The following CPVL variants were observed in gnomAD, a reference collection of about 807,000 sequenced individuals.
The protein encoded by CPVL is probable serine carboxypeptidase CPVL.
Under a neutral mutation model 63.7 loss-of-function variants are expected in CPVL, and 51 were observed. The observed-to-expected ratio is 0.80, with a 90% confidence interval of 0.64 to 1.01. The LOEUF is 1.01. Among genes scored for constraint, CPVL ranks in the 50% least tolerant of loss-of-function variants. The pLI is 0.00. For synonymous variants in CPVL, 195 were observed against 206.0 expected (o/e 0.95, Z 0.46); for missense variants, 530 against 573.1 (o/e 0.92, Z 0.77).
chr7:29,035,738 C>T (rs942697538), intron 11 of CPVL, among the ~76,000 whole-genome samples: 6 of 152,322 alleles, frequency 3.9e-5, no homozygotes, highest in African/African-American at 1.4e-4. Context: ...TCATGTGGTG[C>T]TGTATAGTGA....
intron 11 of CPVL, among the ~76,000 whole-genome samples, chr7:29,049,423 G>A (rs1057182336): frequency 6.6e-6 from 1 of 152,016 alleles, no homozygotes; most frequent in Non-Finnish European, 1.5e-5. Context: ...AGAAGAGATG[G>A]ATAAAATCCT....
At chr7:29,032,532 G>T (rs1788126669) in intron 11 of CPVL, among the ~76,000 whole-genome samples, 2 of 152,182 alleles carry the variant, frequency 1.3e-5, no homozygotes, top group Admixed American at 1.3e-4. Flanking sequence ...TCCTATAGTT[G>T]TTTTGGCCAA....
intron 11 of CPVL, among the ~76,000 whole-genome samples, chr7:29,040,827 A>C (rs544008793): frequency 6.6e-6 from 1 of 152,182 alleles, no homozygotes; most frequent in East Asian, 1.9e-4. Flanking sequence ...TTGCACCTTA[A>C]CTCTAAATTA....
intron 1 of CPVL, among the ~76,000 whole-genome samples, chr7:29,144,937 G>T (rs990463496): frequency 2.0e-4 from 31 of 151,758 alleles, no homozygotes; most frequent in African/African-American, 7.3e-4. Context: ...TATAAATTGG[G>T]GGATCAATTG....
chr7:29,095,156 G>C lies in CPVL; in HGVS notation c.404-14C>G. ...CTCTGTCACGCACTGTGAAAACAAA[G>C]AAGAGGGGTGAGATAGAGTCGTGGA... On this transcript the variant is annotated splice_polypyrimidine_tract_variant and intron_variant, in intron 4 of 12. Transcript: ENST00000265394. 1.2e-6 allele frequency: 2 copies of C among 1,611,576 alleles called. No homozygotes were observed. The highest frequency in any genetic ancestry group is 1.7e-6 in the Non-Finnish European group (2 of 1,177,768).
intron 3 of CPVL, 121 bp from the exon 4 acceptor site, chr7:29,096,338 C>T (rs1362450571): frequency 5.6e-6 from 4 of 715,052 alleles, no homozygotes; most frequent in African/African-American, 1.8e-5. Context: ...TCCTACAAAA[C>T]CTCCCCAGAC....
At chr7:29,003,876 A>T (rs370738175) in intron 12 of CPVL, among the ~76,000 whole-genome samples, 26 of 152,108 alleles carry the variant, frequency 1.7e-4, no homozygotes, top group African/African-American at 5.8e-4. Flanking sequence ...CCCTCCTATA[A>T]GAATCTAATG....
intron 7 of CPVL, among the ~76,000 whole-genome samples, chr7:29,074,467 C>T (rs949431617): frequency 2.0e-5 from 3 of 152,110 alleles, no homozygotes; most frequent in African/African-American, 4.8e-5. Flanking sequence ...AACCATTTTA[C>T]TGGTAAAAAT....
At chr7:29,142,910 A>C (rs1403065816) in intron 1 of CPVL, among the ~76,000 whole-genome samples, 2 of 152,086 alleles carry the variant, frequency 1.3e-5, no homozygotes, top group African/African-American at 2.4e-5. Context: ...ATCTGTCACC[A>C]AGTGCTATTC....
intron 3 of CPVL, among the ~76,000 whole-genome samples, chr7:29,102,056 C>T (rs73684591): frequency 0.011 from 1,614 of 152,310 alleles, 26 homozygotes; most frequent in African/African-American, 0.036. Flanking sequence ...TGCAGACCAA[C>T]TCCTACCCAT....
chr7:29,029,045 T>C (rs1295839663), intron 12 of CPVL, among the ~76,000 whole-genome samples: 2 of 150,606 alleles, frequency 1.3e-5, no homozygotes, highest in South Asian at 2.1e-4. Flanking sequence ...CCAACAGGTA[T>C]ATGGAAAAAT....
chr7:29,169,251 T>A (rs537200217), intron 5 of CPVL, among the ~76,000 whole-genome samples: 1 of 152,354 alleles, frequency 6.6e-6, no homozygotes, highest in Admixed American at 6.5e-5. Context: ...TATGCTGATA[T>A]TACCATTGTA....
At chr7:29,117,865 C>T (rs1435598642) in intron 2 of CPVL, among the ~76,000 whole-genome samples, 2 of 152,124 alleles carry the variant, frequency 1.3e-5, no homozygotes, top group Admixed American at 1.3e-4. Context: ...AGGTACTATG[C>T]TAGGTACTAG....
At chr7:29,103,883 A>G (rs1787455707) in intron 3 of CPVL, among the ~76,000 whole-genome samples, 1 of 152,186 alleles carries the variant, frequency 6.6e-6, no homozygotes, top group African/African-American at 2.4e-5. Flanking sequence ...GGTTTAAGTA[A>G]TGTGTTCTAC....
At chr7:29,007,346 T>C (rs541139228) in intron 12 of CPVL, among the ~76,000 whole-genome samples, 1 of 152,326 alleles carries the variant, frequency 6.6e-6, no homozygotes, top group East Asian at 1.9e-4. Flanking sequence ...CCACATGAAC[T>C]AAGAAGACTT....
intron 1 of CPVL, among the ~76,000 whole-genome samples, chr7:29,139,769 G>A (rs1791658336): frequency 6.6e-6 from 1 of 152,070 alleles, no homozygotes. Flanking sequence ...TGTCCCAACG[G>A]CACAGGCGGT....
At chr7:29,192,925 TC>T (rs1427913258) in intron 1 of CPVL, 4 of 152,202 alleles carry the variant, frequency 2.6e-5, no homozygotes, top group African/African-American at 7.2e-5. Flanking sequence ...CTGTTTTCTA[TC>T]AGAAGAACTC....
chr7:29,083,569 G>A (rs930672040), intron 7 of CPVL, among the ~76,000 whole-genome samples: 1 of 152,200 alleles, frequency 6.6e-6, no homozygotes, highest in Non-Finnish European at 1.5e-5. Flanking sequence ...TGGGATGGAT[G>A]GAGAAGCAGG....
chr7:29,095,101 G>A lies in CPVL; in HGVS notation c.445C>T (p.Leu149Phe), dbSNP rs1786263037. 5.6e-6 allele frequency: 9 copies of A among 1,613,914 alleles called. No homozygotes were observed. The highest frequency in any genetic ancestry group is 7.6e-6 in the Non-Finnish European group (9 of 1,179,804). ...GGACTTACTGGATTGTCAATGTAAA[G>A]CATGGAGAGCGTTGTGGTCCAGGGG... is the stretch of plus-strand genomic sequence containing the variant. Reference protein sequence around the residue: ...DFPWTTTLSMLYIDNPVGTGF... With the variant: ...DFPWTTTLSMFYIDNPVGTGF... The change falls in exon 5 of 13, where the codon CTT (leucine) becomes TTT (phenylalanine). Residue 149 changes from leucine to phenylalanine, a missense_variant. Physicochemically the swap from Leu to Phe is conservative, Grantham distance 22. Coordinates refer to ENST00000265394, the MANE Select transcript of CPVL (RefSeq NM_031311.5).
Sources: allele counts gnomAD v4.1 joint callset (sites outside exome capture counted in the v4.1 genomes callset), GRCh38; gene constraint gnomAD v4.1.1; transcripts MANE v1.5; gene names NCBI Gene and HGNC (gene_info 2026-07-23, HGNC 2026-07-21).